CEP83: variants seen among roughly 807,000 people sequenced by gnomAD.
CEP83 encodes the protein centrosomal protein 83, also known as centrosomal protein of 83 kDa.
In CEP83, 70 loss-of-function variants were observed where a neutral mutation model predicts 101.9. The observed-to-expected ratio is 0.69, with a 90% CI of 0.57 to 0.84. The LOEUF is 0.84. CEP83 is among the 40% of genes least tolerant of loss of function. CEP83 has a pLI of 0.00. For synonymous variants in CEP83, 264 were observed against 267.9 expected, an observed-to-expected ratio of 0.99 and a Z score of 0.14; for missense variants, 715 against 787.2, an observed-to-expected ratio of 0.91 and a Z score of 1.10.
the CEP83 span, chr12:94,282,386 C>T: frequency 6.2e-7 from 1 of 1,610,528 alleles, no homozygotes; most frequent in Non-Finnish European, 8.5e-7. Context: ...AGCTAAACAC[C>T]ATTGGCCACT....
At chr12:94,373,569 T>C (rs1341204735) in intron 8 of CEP83, among the ~76,000 whole-genome samples, 1 of 152,216 alleles carries the variant, frequency 6.6e-6, no homozygotes, top group African/African-American at 2.4e-5. Context: ...GACAACTCTG[T>C]TGGGTGGCTT....
Position 94,451,909 on chromosome 12 carries a change from C to A in CEP83, c.-155+7648G>T, listed in dbSNP as rs139776420. ...ACTGGAAACCATCCAATGTCTATCA[C>A]CTAGTGAATGGGAAATACTATTCAC... On this transcript the variant is annotated intron_variant, in intron 1 of 16. Coordinates refer to ENST00000397809, the MANE Select transcript of CEP83 (RefSeq NM_016122.3). Among the ~76,000 whole-genome samples, 135 of 152,224 alleles carry A rather than the reference C, an allele frequency of 8.9e-4. 1 individual carries two copies. The highest frequency in any genetic ancestry group is 4.0e-3 in the East Asian group (21 of 5,190).
intron 14 of CEP83, among the ~76,000 whole-genome samples, chr12:94,314,698 C>T (rs540618184): frequency 3.0e-4 from 45 of 152,330 alleles, no homozygotes; most frequent in African/African-American, 1.0e-3. Context: ...GATTGTCCCA[C>T]ATCCTCCAAC....
intron 9 of CEP83, chr12:94,368,411 G>C: frequency 3.8e-6 from 2 of 519,564 alleles, no homozygotes; most frequent in Non-Finnish European, 3.4e-6. Flanking sequence ...TCCTGTCACT[G>C]TTTATTTAGT....
chr12:94,368,235 T>G (rs1195741846), intron 9 of CEP83, 34 bp from the exon 10 acceptor site: 2 of 1,537,966 alleles, frequency 1.3e-6, no homozygotes, highest in Non-Finnish European at 8.9e-7. Flanking sequence ...TGTACTATAT[T>G]CAATGTTATT....
chr12:94,400,334 T>C lies in CEP83; in HGVS notation c.549+516A>G, dbSNP rs2063177463. On this transcript the variant is annotated intron_variant, in intron 6 of 16. Transcript: ENST00000397809. ...GCAATGGAGATGAAGTGGGAATGTA[T>C]GCTGTAGGCAGCATAAAGAGAACAT... Among the ~76,000 whole-genome samples the C allele has an allele frequency of 2.0e-5, 3 of 152,188 alleles. No individual in the cohort carries two copies. The South Asian group carries it at 6.2e-4, about 32-fold the overall frequency.
At chr12:94,282,276 G>T in the CEP83 span, 1 of 1,552,262 alleles carries the variant, frequency 6.4e-7, no homozygotes, top group Non-Finnish European at 8.9e-7. Flanking sequence ...TCTCTAAAAA[G>T]GAACAAAATG....
intron 2 of CEP83, 77 bp from the exon 3 acceptor site, chr12:94,412,668 T>C: frequency 2.1e-6 from 1 of 481,524 alleles, no homozygotes; most frequent in Non-Finnish European, 3.6e-6. Flanking sequence ...CATATTTTTA[T>C]CACTTTTATT....
At chr12:94,432,575 C>G (rs965824626) in intron 2 of CEP83, among the ~76,000 whole-genome samples, 4 of 152,016 alleles carry the variant, frequency 2.6e-5, no homozygotes, top group Non-Finnish European at 4.4e-5. Flanking sequence ...AAAATGATAT[C>G]AAAGGCCAGG....
chr12:94,358,450 T>C (rs1293547196), intron 11 of CEP83, among the ~76,000 whole-genome samples: 1 of 152,158 alleles, frequency 6.6e-6, no homozygotes, highest in African/African-American at 2.4e-5. Flanking sequence ...TTGTTAAGCC[T>C]CCAGAACCTA....
At chr12:94,451,354 T>C (rs561147204) in intron 1 of CEP83, among the ~76,000 whole-genome samples, 1 of 150,910 alleles carries the variant, frequency 6.6e-6, no homozygotes, top group East Asian at 2.0e-4. Context: ...AGTAAAAATA[T>C]GAAAAGCCAA....
At chr12:94,269,962 A>G in the CEP83 span, among the ~76,000 whole-genome samples, 59 of 152,236 alleles carry the variant, frequency 3.9e-4, no homozygotes, top group African/African-American at 1.3e-3. Flanking sequence ...TCCTCTTCAT[A>G]CACTTTCTTC....
downstream of CEP83, chr12:94,306,875 G>A (rs1457212337): frequency 2.6e-5 from 4 of 152,054 alleles, no homozygotes; most frequent in South Asian, 2.1e-4. Flanking sequence ...TCTGTCCAAC[G>A]GACACACCTC....
At chr12:94,439,850 A>T (rs1274614983) in intron 1 of CEP83, among the ~76,000 whole-genome samples, 1 of 152,196 alleles carries the variant, frequency 6.6e-6, no homozygotes, top group Non-Finnish European at 1.5e-5. Flanking sequence ...ACCATGAACA[A>T]GTGGGTTTTA....
At chr12:94,312,377 C>T (rs1322634719) in intron 15 of CEP83, among the ~76,000 whole-genome samples, 1 of 152,196 alleles carries the variant, frequency 6.6e-6, no homozygotes, top group Non-Finnish European at 1.5e-5. Context: ...AAGGCTACCA[C>T]TAATTCACTA....
At chr12:94,305,334 G>A (rs1263536312), downstream of CEP83, 4 of 1,090,576 alleles carry the variant, frequency 3.7e-6, no homozygotes, top group African/African-American at 3.2e-5. Context: ...GACGACTTGG[G>A]AGCAAAATGG....
At chr12:94,276,352 G>A in the CEP83 span, among the ~76,000 whole-genome samples, 2 of 152,172 alleles carry the variant, frequency 1.3e-5, no homozygotes, top group East Asian at 1.9e-4. Context: ...CACCAGCATT[G>A]ACCCCTTCAC....
At position 94,355,820 on chromosome 12, in the gene CEP83, T is replaced by C. The variant is rs182395759; in HGVS notation, c.1343+11974A>G. Among the ~76,000 whole-genome samples, 4 of 152,362 alleles carry C rather than the reference T, an allele frequency of 2.6e-5. No homozygotes were observed. The East Asian group carries it at 7.7e-4, about 29-fold the overall frequency. On this transcript the variant is annotated intron_variant, in intron 11 of 16. Transcript: ENST00000397809. ...CATCTGTGTCTTAAGGGCGTATTCCTGCTGCAATTAATTCGGCCCATCCTT... is the reference window on the plus strand; with the variant it reads ...CATCTGTGTCTTAAGGGCGTATTCCCGCTGCAATTAATTCGGCCCATCCTT...
At position 94,401,075 on chromosome 12, in the gene CEP83, A is replaced by G. The variant is rs2063225603; in HGVS notation, c.418-94T>C. ...CAAATATAATTTTAAATTACATTAT[A>G]ATGATAGCCACTCTAAAAGTAAAAA... On this transcript the variant is annotated intron_variant, in intron 5 of 16. Coordinates refer to ENST00000397809, the MANE Select transcript of CEP83 (RefSeq NM_016122.3). 8.1e-6 allele frequency: 5 copies of G among 617,670 alleles called. No homozygotes were observed. The Admixed American group carries it at 1.6e-4, about 20-fold the overall frequency. The allele number at this position is 617,670 out of a possible 1,614,324, so 38.3% of individuals were successfully genotyped here. A position where few individuals can be genotyped will look rare whatever the true frequency, so the allele number is the denominator to read the frequency against.
Sources: gnomAD v4.1 joint callset for allele counts (sites outside exome capture counted in the v4.1 genomes callset) on GRCh38, gnomAD v4.1.1 for gene constraint, MANE v1.5 for transcripts, NCBI Gene and HGNC (gene_info 2026-07-23, HGNC 2026-07-21) for gene names.